B4GALNT1: variants seen among roughly 807,000 people sequenced by gnomAD.
B4GALNT1 encodes the protein beta-1,4 N-acetylgalactosaminyltransferase 1.
Under a neutral mutation model 55.2 loss-of-function variants are expected in B4GALNT1, and 43 were observed. The observed-to-expected ratio is 0.78, with a 90% CI of 0.61 to 1.00. The LOEUF (loss-of-function observed/expected upper bound fraction) is 1.00, where lower values mean the gene tolerates loss of function less well. B4GALNT1 is among the 50% of genes least tolerant of loss of function. The pLI, the probability that B4GALNT1 is intolerant of heterozygous loss-of-function variation, is 0.00. For synonymous variants in B4GALNT1, 305 were observed against 311.6 expected (o/e 0.98, Z 0.22); for missense variants, 664 against 729.7 (o/e 0.91, Z 1.04).
chr12:57,626,653 A>G lies in B4GALNT1; in HGVS notation c.*91T>C. On this transcript the variant is annotated 3_prime_UTR_variant, in exon 11 of 11. Transcript: ENST00000341156. ...CTAGAGGCTCAGGGACAGCCAGTAG[A>G]GTGCTCACAGGGTGGTGGGGTTTGT... 2.1e-6 allele frequency: 3 copies of G among 1,416,296 alleles called. No individual in the cohort carries two copies. The highest frequency in any genetic ancestry group is 3.0e-6 in the Non-Finnish European group (3 of 1,011,368). The allele number at this position is 1,416,296 out of a possible 1,614,324, so 87.7% of individuals were successfully genotyped here.
chr12:57,624,144 G>C lies in B4GALNT1; in HGVS notation c.*2600C>G, dbSNP rs757888053. 3.7e-5 allele frequency: 58 copies of C among 1,579,952 alleles called. No homozygotes were observed. In the South Asian group the frequency reaches 6.2e-4, roughly 17 times the overall value. On this transcript the variant is annotated 3_prime_UTR_variant, in exon 11 of 11. Coordinates refer to ENST00000341156, the MANE Select transcript of B4GALNT1 (RefSeq NM_001478.5). ...CAGATTGCCCCCTCTCATCTTGTTA[G>C]CATCCCCAGCCTCTGCCCTGAACCA...
Position 57,627,812 on chromosome 12 carries a change from C to T in B4GALNT1, c.1190G>A (p.Arg397Gln), listed in dbSNP as rs781389623. The change falls in exon 10 of 11, where the codon CGG (arginine) becomes CAG (glutamine). Residue 397 changes from arginine to glutamine, a missense_variant. By Grantham distance (43) the Arg-to-Gln change is conservative (BLOSUM62 1). Transcript: ENST00000341156. ...REISGFATTY[R>Q]QLLSVEPGAP... Reference sequence around the variant, plus strand: ...GCCGGGCTCCACGCTCAGCAGCTGCCGATAAGTGGTGGCAAAGCCGGAGAT... The same window carrying T: ...GCCGGGCTCCACGCTCAGCAGCTGCTGATAAGTGGTGGCAAAGCCGGAGAT... 1.1e-5 allele frequency: 17 copies of T among 1,594,138 alleles called. No individual in the cohort carries two copies. Among genetic ancestry groups the T allele is most frequent in the African/African-American group, 4.0e-5 (3 of 74,628 alleles).
chr12:57,631,940 C>A lies in B4GALNT1; in HGVS notation c.193G>T (p.Val65Phe). ...CCCACTACTTGCTCCTTGATCCTGA[C>A]CGGGATGTGTGCGTAGCGGGGCTCA... ...APEPRYAHIP[V>F]RIKEQVVGLL... Residue 65 changes from valine (V) to phenylalanine (F), a missense_variant, in exon 2 of 11, where the codon GTC becomes TTC. Physicochemically the swap from Val to Phe is conservative, Grantham distance 50. Transcript: ENST00000341156. 6.9e-7 allele frequency: 1 copy of A among 1,445,840 alleles called. No homozygotes were observed. The highest frequency in any genetic ancestry group is 9.1e-7 in the Non-Finnish European group (1 of 1,099,338). The allele number at this position is 1,445,840 out of a possible 1,614,324, so 89.6% of individuals were successfully genotyped here.
Position 57,625,120 on chromosome 12 carries a change from T to C in B4GALNT1, c.*1624A>G, listed in dbSNP as rs371716815. ...AGTGGTGACTGCCCTTCTTTACTTA[T>C]AGGAGACTTCAAAGCCAGATGGCCC... On this transcript the variant is annotated 3_prime_UTR_variant, in exon 11 of 11. Coordinates refer to ENST00000341156, the MANE Select transcript of B4GALNT1 (RefSeq NM_001478.5). The C allele has an allele frequency of 1.3e-5, 21 of 1,613,924 alleles. 1 individual carries two copies. In the South Asian group the frequency reaches 1.9e-4, roughly 14 times the overall value.
chr12:57,628,267 C>A lies in B4GALNT1; in HGVS notation c.1003-5G>T, dbSNP rs982615765. The A allele has an allele frequency of 2.5e-6, 4 of 1,614,108 alleles. No homozygotes were observed. Among genetic ancestry groups the A allele is most frequent in the Non-Finnish European group, 3.4e-6 (4 of 1,180,040 alleles). ...GTTCCGGCCTGCGAACCAGCCCTGG[C>A]AGAAAGGTGTGTGTGGTTGGGGAGG... On this transcript the variant is annotated splice_region_variant and splice_polypyrimidine_tract_variant and intron_variant, in intron 8 of 10. Coordinates refer to ENST00000341156, the MANE Select transcript of B4GALNT1 (RefSeq NM_001478.5).
intron 4 of B4GALNT1, 76 bp downstream of exon 4, chr12:57,630,904 C>A: frequency 7.2e-7 from 1 of 1,380,904 alleles, no homozygotes; most frequent in Non-Finnish European, 1.0e-6. Context: ...AATCATCTCC[C>A]ATTCTTCCCC....
rs142127531 is a variant in B4GALNT1 at position 57,629,807 on chromosome 12, GGGATCTCA to G, written c.712+337_712+344del. The G allele has an allele frequency of 1.1e-5, 16 of 1,441,550 alleles. No homozygotes were observed. In the East Asian group the frequency reaches 4.0e-4, roughly 36 times the overall value. 89.3% of individuals were successfully genotyped at this position (1,441,550 alleles called of 1,614,324 possible). On this transcript the variant is annotated intron_variant, in intron 6 of 10. Transcript: ENST00000341156. ...AGGCCTCTTTTGCTGGAAGAGAAATGGGATCTCAGGAAAGTAAAGACCTTTGCCCTCTA... is the reference window on the plus strand; with the variant it reads ...AGGCCTCTTTTGCTGGAAGAGAAATGGGAAAGTAAAGACCTTTGCCCTCTA...
At chr12:57,627,033 C>T (rs1238037218) in intron 10 of B4GALNT1, 72 bp from the exon 11 acceptor site, 3 of 1,335,752 alleles carry the variant, frequency 2.2e-6, no homozygotes, top group Non-Finnish European at 3.2e-6. Flanking sequence ...GGAGAACTCT[C>T]AAATTTAGGG....
At position 57,625,036 on chromosome 12, in the gene B4GALNT1, TG is replaced by T; in HGVS notation, c.*1707del. On this transcript the variant is annotated 3_prime_UTR_variant, in exon 11 of 11. Transcript: ENST00000341156. Reference sequence around the variant, plus strand: ...GGATCCTCAGGGAGTGGGAGGCAGGTGGGTGTTCTGAGGGGGATCCTTGTGC... The same window carrying T: ...GGATCCTCAGGGAGTGGGAGGCAGGTGGTGTTCTGAGGGGGATCCTTGTGC... 3 of 1,612,522 alleles carry T rather than the reference TG, an allele frequency of 1.9e-6. No homozygotes were observed. Among genetic ancestry groups the T allele is most frequent in the Non-Finnish European group, 2.5e-6 (3 of 1,178,724 alleles).
Position 57,628,904 on chromosome 12 carries a change from C to T in B4GALNT1, c.812-1G>A. ...ACTAGAGCGCTGATGTTGTACTGGG[C>T]TGAGATTGGGGGCACAGGGTTGGGT... On this transcript the variant is annotated splice_acceptor_variant, in intron 7 of 10. Coordinates refer to ENST00000341156, the MANE Select transcript of B4GALNT1 (RefSeq NM_001478.5). LOFTEE classifies it high-confidence loss of function. The T allele has an allele frequency of 1.2e-6, 2 of 1,614,114 alleles. No homozygotes were observed. The highest frequency in any genetic ancestry group is 1.7e-6 in the Non-Finnish European group (2 of 1,180,012).
intron 1 of B4GALNT1, 166 bp downstream of exon 1, chr12:57,632,606 T>G: frequency 1.7e-5 from 3 of 177,820 alleles, no homozygotes; most frequent in Non-Finnish European, 1.2e-5. Context: ...TGCAGAATCA[T>G]GCCCGTGCTG....
intron 8 of B4GALNT1, chr12:57,628,478 T>C (rs1884986706): frequency 2.4e-6 from 2 of 825,536 alleles, no homozygotes; most frequent in South Asian, 1.8e-5. Context: ...GTGCATTTAT[T>C]TATTCATTCA....
chr12:57,631,971 A>G lies in B4GALNT1; in HGVS notation c.162T>C (p.Leu54=). ...TGTGTGCGTAGCGGGGCTCAGGAGCAAGATCTGGCAGCTCGGGCCTGCGGG... is the reference window on the plus strand; with the variant it reads ...TGTGTGCGTAGCGGGGCTCAGGAGCGAGATCTGGCAGCTCGGGCCTGCGGG... ...QSPRRPELPD[L]APEPRYAHIP... is the part of the protein sequence containing the mutation. The change falls in exon 2 of 11, where the codon CTT becomes CTC. Residue 54 remains leucine, a synonymous_variant. Coordinates refer to ENST00000341156, the MANE Select transcript of B4GALNT1 (RefSeq NM_001478.5). 6.9e-7 allele frequency: 1 copy of G among 1,457,682 alleles called. No homozygotes were observed. Among genetic ancestry groups the G allele is most frequent in the Non-Finnish European group, 9.0e-7 (1 of 1,105,058 alleles). 90.3% of individuals were successfully genotyped at this position (1,457,682 alleles called of 1,614,324 possible). A position where few individuals can be genotyped will look rare whatever the true frequency, so the allele number is the denominator to read the frequency against.
In B4GALNT1 at chr12:57,633,182, C is replaced by G. The variant is rs542914972; in HGVS notation, c.-412G>C. ...AGCTCCCGGCTCGTTGCGGCTGCTT[C>G]GGCTCCGCGCGGGGAATGCGAGCGC... On this transcript the variant is annotated 5_prime_UTR_variant, in exon 1 of 11. Coordinates refer to ENST00000341156, the MANE Select transcript of B4GALNT1 (RefSeq NM_001478.5). The G allele has an allele frequency of 6.6e-6, 1 of 152,262 alleles. No individual in the cohort carries two copies. The highest frequency in any genetic ancestry group is 1.5e-5 in the Non-Finnish European group (1 of 68,048). 9.4% of individuals were successfully genotyped at this position (152,262 alleles called of 1,614,324 possible). A position where few individuals can be genotyped will look rare whatever the true frequency, so the allele number is the denominator to read the frequency against.
intron 8 of B4GALNT1, 108 bp downstream of exon 8, chr12:57,628,605 T>A: frequency 7.4e-7 from 1 of 1,345,628 alleles, no homozygotes; most frequent in South Asian, 1.3e-5. Flanking sequence ...AGGCACCCCA[T>A]GATTCTGAGG....
rs1390277385 is a variant in B4GALNT1 at position 57,631,367 on chromosome 12, G to A, written c.219-3C>T. On this transcript the variant is annotated splice_region_variant and splice_polypyrimidine_tract_variant and intron_variant, in intron 2 of 10. Transcript: ENST00000341156. ...TGCAGTTGTTCCAAGCCAGCAGCCT[G>A]AAGGGGGTAGGTAGTGAGGGTCATC... The A allele has an allele frequency of 1.9e-6, 3 of 1,613,824 alleles. No homozygotes were observed. The highest frequency in any genetic ancestry group is 1.3e-5 in the African/African-American group (1 of 74,890).
At chr12:57,630,386 C>T (rs1280894375) in intron 5 of B4GALNT1, 54 bp from the exon 6 acceptor site, 21 of 1,597,914 alleles carry the variant, frequency 1.3e-5, no homozygotes, top group Non-Finnish European at 1.8e-5. Flanking sequence ...TTCTTGCCTC[C>T]CTGATTCGCC....
rs146286105 is a variant in B4GALNT1, at chr12:57,623,870, C to G, written c.*2874G>C. ...CTCTTCTCCTGCACAGTGGTCCTGT[C>G]GGTGCTGCTGTGGCTGGGGCCCTTC... On this transcript the variant is annotated 3_prime_UTR_variant, in exon 11 of 11. Coordinates refer to ENST00000341156, the MANE Select transcript of B4GALNT1 (RefSeq NM_001478.5). The G allele has an allele frequency of 5.6e-5, 90 of 1,614,066 alleles. No individual in the cohort carries two copies. The highest frequency in any genetic ancestry group is 8.3e-5 in the Admixed American group (5 of 60,006).
chr12:57,629,688 T>C (rs568539244), intron 6 of B4GALNT1: 1 of 1,255,638 alleles, frequency 8.0e-7, no homozygotes, highest in South Asian at 1.9e-5. Context: ...GGGAAGAGCA[T>C]TCCAGGCTGA....
Sources: gnomAD v4.1 joint callset for allele counts on GRCh38, gnomAD v4.1.1 for gene constraint, MANE v1.5 for transcripts, NCBI Gene and HGNC (gene_info 2026-07-23, HGNC 2026-07-21) for gene names.